The following CHRNA7 variants were observed in gnomAD, a reference collection of about 807,000 sequenced individuals.
The protein encoded by CHRNA7 is neuronal acetylcholine receptor subunit alpha-7.
In CHRNA7, 17 loss-of-function variants were observed where a neutral mutation model predicts 48.0. The ratio of observed to expected loss-of-function variants is 0.35; its 90% CI spans 0.24 to 0.53. The LOEUF (loss-of-function observed/expected upper bound fraction) is 0.53. CHRNA7 is among the 20% of genes least tolerant of loss of function. The pLI is 0.92. For missense variants in CHRNA7, 155 were observed against 577.7 expected (o/e 0.27, Z 7.50); for synonymous variants, 75 against 242.3 (o/e 0.31, Z 6.41).
At chr15:32,042,562 C>G (rs1445852184) in intron 2 of CHRNA7, among the ~76,000 whole-genome samples, 1 of 152,166 alleles carries the variant, frequency 6.6e-6, no homozygotes, top group African/African-American at 2.4e-5. Flanking sequence ...GAATTTTTAA[C>G]TTTCAAAGTT....
chr15:32,145,501 T>G (rs2051468986), intron 4 of CHRNA7, among the ~76,000 whole-genome samples: 1 of 152,224 alleles, frequency 6.6e-6, no homozygotes. Context: ...TGCTGCCTTT[T>G]GTTCAGCTAT....
chr15:32,147,833 T>C (rs2051523462), intron 4 of CHRNA7, among the ~76,000 whole-genome samples: 1 of 152,166 alleles, frequency 6.6e-6, no homozygotes, highest in African/African-American at 2.4e-5. Flanking sequence ...TCTCTCCCTC[T>C]GTCTTCTGTT....
At chr15:32,041,125 G>A (rs2049440530) in intron 2 of CHRNA7, among the ~76,000 whole-genome samples, 1 of 152,116 alleles carries the variant, frequency 6.6e-6, no homozygotes, top group African/African-American at 2.4e-5. Context: ...GATATACTTA[G>A]ATGTTGGATT....
intron 4 of CHRNA7, among the ~76,000 whole-genome samples, chr15:32,138,816 C>T (rs562377026): frequency 2.0e-5 from 3 of 151,344 alleles, no homozygotes; most frequent in South Asian, 2.1e-4. Flanking sequence ...TGCAGTGGTG[C>T]GATCTCGGCT....
At chr15:32,118,259 G>C (rs565836888) in intron 4 of CHRNA7, among the ~76,000 whole-genome samples, 2 of 152,090 alleles carry the variant, frequency 1.3e-5, no homozygotes, top group Non-Finnish European at 2.9e-5. Context: ...CCTTGACCTC[G>C]GACTCCCAGC....
chr15:32,133,061 G>A (rs1435068104), intron 4 of CHRNA7, among the ~76,000 whole-genome samples: 1 of 152,144 alleles, frequency 6.6e-6, no homozygotes, highest in Non-Finnish European at 1.5e-5. Flanking sequence ...GTCACTGGGG[G>A]ACGAGCTGGC....
At chr15:32,042,705 C>T (rs1039328016) in intron 2 of CHRNA7, among the ~76,000 whole-genome samples, 5 of 152,106 alleles carry the variant, frequency 3.3e-5, no homozygotes, top group Non-Finnish European at 7.4e-5. Context: ...CCCTGTTTGT[C>T]CCCCTAATCT....
intron 2 of CHRNA7, among the ~76,000 whole-genome samples, chr15:32,074,139 C>G (rs2050100055): frequency 6.6e-6 from 1 of 151,206 alleles, no homozygotes; most frequent in Non-Finnish European, 1.5e-5. Flanking sequence ...GTATATAAAT[C>G]AAGTTGATTT....
intron 4 of CHRNA7, among the ~76,000 whole-genome samples, chr15:32,139,775 A>G (rs2051343973): frequency 6.6e-6 from 1 of 151,890 alleles, no homozygotes; most frequent in Non-Finnish European, 1.5e-5. Context: ...TCATTATTAG[A>G]TGTGTCTTTT....
In CHRNA7 at chr15:32,081,694, C is replaced by A. The variant is rs527430458; in HGVS notation, c.196-19609C>A. ...TTACCTTTACTATTTTCTCCACATA[C>A]ATTAAAACCATCTCAGACAGTTTTA... On this transcript the variant is annotated intron_variant, in intron 2 of 9. Coordinates refer to ENST00000306901, the MANE Select transcript of CHRNA7 (RefSeq NM_000746.6). 3.9e-5 allele frequency among the ~76,000 whole-genome samples: 6 copies of A among 152,320 alleles called. No homozygotes were observed. In the East Asian group the frequency reaches 1.2e-3, roughly 29 times the overall value.
At chr15:32,031,389 G>GT (rs1272489676) in intron 2 of CHRNA7, among the ~76,000 whole-genome samples, 5 of 152,230 alleles carry the variant, frequency 3.3e-5, no homozygotes, top group African/African-American at 9.6e-5. Flanking sequence ...CCCTTATGGT[G>GT]TAAGTGTTGA....
At chr15:32,062,460 A>G (rs949490706) in intron 2 of CHRNA7, among the ~76,000 whole-genome samples, 2 of 152,104 alleles carry the variant, frequency 1.3e-5, no homozygotes, top group Admixed American at 6.5e-5. Flanking sequence ...AATGATCACT[A>G]TTCTATCCCC....
At chr15:32,054,852 G>A (rs1405598308) in intron 2 of CHRNA7, among the ~76,000 whole-genome samples, 1 of 152,214 alleles carries the variant, frequency 6.6e-6, no homozygotes, top group Non-Finnish European at 1.5e-5. Context: ...TTCAAGGAAT[G>A]TGTTACATGT....
intron 2 of CHRNA7, among the ~76,000 whole-genome samples, chr15:32,063,029 A>G (rs2049904845): frequency 6.6e-6 from 1 of 152,194 alleles, no homozygotes; most frequent in Non-Finnish European, 1.5e-5. Flanking sequence ...TTGTGTATCT[A>G]AACATAGAAA....
At chr15:32,108,309 A>G (rs1418326032) in intron 3 of CHRNA7, among the ~76,000 whole-genome samples, 1 of 152,198 alleles carries the variant, frequency 6.6e-6, no homozygotes, top group Non-Finnish European at 1.5e-5. Context: ...AATGAGAAGG[A>G]ATCTCACAAA....
At chr15:32,150,932 T>C (rs2051613739) in intron 4 of CHRNA7, among the ~76,000 whole-genome samples, 2 of 150,968 alleles carry the variant, frequency 1.3e-5, no homozygotes, top group African/African-American at 4.8e-5. Context: ...TTTCCCTATG[T>C]GTTTTTGGAA....
At chr15:32,087,560 A>G (rs1289239895) in intron 2 of CHRNA7, among the ~76,000 whole-genome samples, 1 of 152,234 alleles carries the variant, frequency 6.6e-6, no homozygotes, top group African/African-American at 2.4e-5. Flanking sequence ...AGTAGTTCAT[A>G]TATACAGAAA....
intron 4 of CHRNA7, among the ~76,000 whole-genome samples, chr15:32,143,616 A>G (rs1436713451): frequency 3.3e-5 from 5 of 152,176 alleles, no homozygotes; most frequent in African/African-American, 9.7e-5. Flanking sequence ...TTAGGTGCAT[A>G]TATATTTAGG....
At chr15:32,035,685 C>CA (rs2141162283) in intron 2 of CHRNA7, among the ~76,000 whole-genome samples, 1 of 152,228 alleles carries the variant, frequency 6.6e-6, no homozygotes, top group South Asian at 2.1e-4. Context: ...ACAACTCCAA[C>CA]AAAATACTGT....
Sources: gnomAD v4.1 joint callset for allele counts (sites outside exome capture counted in the v4.1 genomes callset) on GRCh38, gnomAD v4.1.1 for gene constraint, MANE v1.5 for transcripts, NCBI Gene and HGNC (gene_info 2026-07-23, HGNC 2026-07-21) for gene names.